BLK: variants seen among roughly 807,000 people sequenced by gnomAD.
The protein encoded by BLK is tyrosine-protein kinase Blk.
In BLK, 64 loss-of-function variants were observed where a neutral mutation model predicts 61.8. The observed-to-expected ratio is 1.03, with a 90% confidence interval of 0.85 to 1.27. The LOEUF (loss-of-function observed/expected upper bound fraction) is 1.27. Ranked by LOEUF, BLK falls within the 50% of genes most tolerant of loss-of-function variation. BLK has a pLI of 0.00. For missense variants in BLK, 853 were observed against 660.5 expected (o/e 1.29, Z -3.19); for synonymous variants, 351 against 272.0 (o/e 1.29, Z -2.86).
intron 10 of BLK, chr8:11,560,379 GTGGATGGATGGATGCATGGATGGA>G (rs1801452021): frequency 1.4e-5 from 3 of 213,406 alleles, no homozygotes; most frequent in Non-Finnish European, 2.8e-5. Flanking sequence ...GGATGGGTGG[GTGGATGGATGGATGCATGGATGGA>G]TGGATGCATG....
intron 1 of BLK, among the ~76,000 whole-genome samples, chr8:11,511,753 G>A (rs1190191012): frequency 6.6e-6 from 1 of 152,280 alleles, no homozygotes; most frequent in Non-Finnish European, 1.5e-5. Flanking sequence ...CATTTTGGGC[G>A]TCTTAGATGT....
At chr8:11,548,168 C>T (rs533147029) in intron 4 of BLK, 43 bp downstream of exon 4, 3 of 1,511,902 alleles carry the variant, frequency 2.0e-6, no homozygotes, top group Non-Finnish European at 2.8e-6. Context: ...CAGGACCCCC[C>T]TCCCCCACAT....
chr8:11,556,070 G>A (rs978950734), intron 8 of BLK: 5 of 228,432 alleles, frequency 2.2e-5, no homozygotes, highest in Non-Finnish European at 4.3e-5. Context: ...CCTTACCTGG[G>A]GCTGATGCCC....
At chr8:11,495,391 T>G (rs1397730868) in intron 1 of BLK, among the ~76,000 whole-genome samples, 1 of 152,076 alleles carries the variant, frequency 6.6e-6, no homozygotes. Flanking sequence ...TCACCTTGAG[T>G]GAGGTTTGGA....
chr8:11,562,648 T>A (rs901641990), intron 11 of BLK, among the ~76,000 whole-genome samples: 2 of 152,254 alleles, frequency 1.3e-5, no homozygotes, highest in Admixed American at 1.3e-4. Flanking sequence ...ACAAGGCCCC[T>A]GTAAGGTGAA....
rs765040813 is a variant in BLK at position 11,556,674 on chromosome 8, C to T, written c.789C>T (p.Asn263=). 6.2e-7 allele frequency: 1 copy of T among 1,614,172 alleles called. No homozygotes were observed. Among genetic ancestry groups the T allele is most frequent in the Non-Finnish European group, 8.5e-7 (1 of 1,180,034 alleles). The change falls in exon 9 of 13, where the codon AAC becomes AAT. Residue 263 remains asparagine (N), a synonymous_variant. Coordinates refer to ENST00000259089, the MANE Select transcript of BLK (RefSeq NM_001715.3). The part of the protein sequence containing the change: ...GEVWMGYYKN[N]MKVAIKTLKE... ...CGGGCTCAGGTTACTACAAAAACAA[C>T]ATGAAGGTGGCCATTAAGACGCTGA...
intron 1 of BLK, among the ~76,000 whole-genome samples, chr8:11,512,793 A>G (rs575438655): frequency 2.6e-5 from 4 of 152,180 alleles, no homozygotes; most frequent in Admixed American, 2.6e-4. Context: ...CCTCTTGAGT[A>G]GCTGGGACTA....
At chr8:11,501,204 A>C (rs1798547708) in intron 1 of BLK, among the ~76,000 whole-genome samples, 1 of 152,186 alleles carries the variant, frequency 6.6e-6, no homozygotes, top group Non-Finnish European at 1.5e-5. Context: ...AAAAATTAAA[A>C]ATTAAATGAT....
chr8:11,527,685 C>A (rs999864163), intron 1 of BLK, among the ~76,000 whole-genome samples: 7 of 151,478 alleles, frequency 4.6e-5, no homozygotes, highest in African/African-American at 1.7e-4. Context: ...TGAGTGAGTA[C>A]TCCTTTGGGT....
In BLK at chr8:11,548,978, C is replaced by T. The variant is rs1463453434; in HGVS notation, c.270-46C>T. ...GGCCTGAGAGCTGCCCAGTGACGGG[C>T]CTACAGGGGCCATGATCTCATCTCT... is the stretch of plus-strand genomic sequence containing the variant. On this transcript the variant is annotated intron_variant, in intron 4 of 12. Transcript: ENST00000259089. The T allele has an allele frequency of 2.6e-6, 4 of 1,524,984 alleles. No individual in the cohort carries two copies. The Admixed American group carries it at 5.6e-5, about 22-fold the overall frequency. 94.5% of individuals were successfully genotyped at this position (1,524,984 alleles called of 1,614,324 possible).
chr8:11,527,171 A>G (rs1406435676), intron 1 of BLK, among the ~76,000 whole-genome samples: 1 of 152,228 alleles, frequency 6.6e-6, no homozygotes. Context: ...ACCAGCTTAC[A>G]AAACTCAACA....
chr8:11,517,315 G>A (rs1281837595), intron 1 of BLK, among the ~76,000 whole-genome samples: 2 of 152,204 alleles, frequency 1.3e-5, no homozygotes, highest in Admixed American at 1.3e-4. Flanking sequence ...AGAGCATGAG[G>A]AAGAGAAGAT....
intron 1 of BLK, among the ~76,000 whole-genome samples, chr8:11,534,239 T>C (rs542437879): frequency 4.5e-4 from 68 of 152,330 alleles, no homozygotes; most frequent in Non-Finnish European, 9.0e-4. Flanking sequence ...TTTTTCAAAA[T>C]GCAAACAATG....
At position 11,501,279 on chromosome 8, in the gene BLK, C is replaced by G. The variant is rs142763656; in HGVS notation, c.-2+6688C>G. ...AGGATCCTTTAAAAAGTATTACACA[C>G]GAAAATAGGGTCAAAAGTCATAGCC... On this transcript the variant is annotated intron_variant, in intron 1 of 12. Transcript: ENST00000259089. Among the ~76,000 whole-genome samples, 615 of 151,674 alleles carry G rather than the reference C, an allele frequency of 4.1e-3. 4 individuals are homozygous for G. Among genetic ancestry groups the G allele is most frequent in the African/African-American group, 0.014 (566 of 41,342 alleles).
At chr8:11,559,450 TACAC>T (rs1046449525) in intron 10 of BLK, among the ~76,000 whole-genome samples, 4 of 149,850 alleles carry the variant, frequency 2.7e-5, no homozygotes, top group African/African-American at 9.9e-5. Context: ...GACACACAAA[TACAC>T]AGACTCAGAC....
At chr8:11,548,252 T>A in intron 4 of BLK, 127 bp downstream of exon 4, 1 of 766,932 alleles carries the variant, frequency 1.3e-6, no homozygotes, top group Non-Finnish European at 2.2e-6. Context: ...CCCCCAGCCC[T>A]GGCCCCAGCA....
chr8:11,559,410 C>CACAG (rs1258213648), intron 10 of BLK, among the ~76,000 whole-genome samples: 2 of 149,954 alleles, frequency 1.3e-5, no homozygotes, highest in African/African-American at 4.9e-5. Flanking sequence ...CACACACAGA[C>CACAG]ACACAGACTC....
At chr8:11,558,330 G>C (rs911698497) in intron 10 of BLK, 1 of 442,556 alleles carries the variant, frequency 2.3e-6, no homozygotes, top group South Asian at 2.0e-5. Context: ...AAGAGAGGGC[G>C]AATGAATGTC....
chr8:11,547,897 G>C, intron 3 of BLK, 135 bp from the exon 4 acceptor site: 1 of 783,882 alleles, frequency 1.3e-6, no homozygotes. Flanking sequence ...GGGGGTGGGG[G>C]CCTGTGCTGG....
Sources: gnomAD v4.1 joint callset for allele counts (sites outside exome capture counted in the v4.1 genomes callset) on GRCh38, gnomAD v4.1.1 for gene constraint, MANE v1.5 for transcripts, NCBI Gene and HGNC (gene_info 2026-07-23, HGNC 2026-07-21) for gene names.